CDH7: variants seen among roughly 807,000 people sequenced by gnomAD.
The protein encoded by CDH7 is cadherin-7.
Under a neutral mutation model 71.8 loss-of-function variants are expected in CDH7, and 25 were observed. That is an observed-to-expected ratio of 0.35 (90% confidence interval 0.25 to 0.49). CDH7 has a LOEUF of 0.49. Among genes scored for constraint, CDH7 ranks in the 20% least tolerant of loss-of-function variants. The pLI, the probability that CDH7 is intolerant of heterozygous loss-of-function variation, is 0.99. For synonymous variants in CDH7, 381 were observed against 363.8 expected (o/e 1.05, Z -0.54); for missense variants, 862 against 974.6 (o/e 0.88, Z 1.54).
intron 2 of CDH7, among the ~76,000 whole-genome samples, chr18:65,808,851 G>A (rs570203400): frequency 1.3e-5 from 2 of 152,204 alleles, no homozygotes; most frequent in South Asian, 2.1e-4. Flanking sequence ...TTGAAATGAC[G>A]GATTGAGTAG....
At chr18:65,768,336 G>A (rs1916440717) in intron 2 of CDH7, among the ~76,000 whole-genome samples, 1 of 151,884 alleles carries the variant, frequency 6.6e-6, no homozygotes, top group Non-Finnish European at 1.5e-5. Flanking sequence ...CCCGGTTCAA[G>A]CAATTCTCCT....
In CDH7 at chr18:65,761,517, T is replaced by C. The variant is rs550671210; in HGVS notation, c.-196-1130T>C. Reference sequence around the variant, plus strand: ...TTTTGGCTTTATGTTCTCAACACTATATTTTTCTCCTCTTCCTCAAAAAAA... The same window carrying C: ...TTTTGGCTTTATGTTCTCAACACTACATTTTTCTCCTCTTCCTCAAAAAAA... On this transcript the variant is annotated intron_variant, in intron 1 of 11. Transcript: ENST00000397968. Among the ~76,000 whole-genome samples the C allele has an allele frequency of 3.1e-4, 45 of 146,062 alleles. 1 individual carries two copies. The South Asian group carries it at 9.5e-3, about 31-fold the overall frequency.
intron 1 of CDH7, among the ~76,000 whole-genome samples, chr18:65,755,519 T>A (rs1334924703): frequency 6.6e-6 from 1 of 152,204 alleles, no homozygotes; most frequent in Non-Finnish European, 1.5e-5. Flanking sequence ...GACATTGTCC[T>A]GAATAGTGTG....
intron 2 of CDH7, among the ~76,000 whole-genome samples, chr18:65,782,155 TTTC>T (rs1568182675): frequency 7.6e-5 from 9 of 119,078 alleles, no homozygotes; most frequent in African/African-American, 3.0e-4. Flanking sequence ...TCTTTCTTTC[TTTC>T]TTTCTTCCTT....
intron 9 of CDH7, among the ~76,000 whole-genome samples, chr18:65,859,254 AAAGGT>A (rs1255969264): frequency 6.6e-6 from 1 of 152,220 alleles, no homozygotes; most frequent in Non-Finnish European, 1.5e-5. Context: ...CTCAGGAAGG[AAAGGT>A]AAACATTGTA....
At chr18:65,768,279 A>G (rs1166743038) in intron 2 of CDH7, among the ~76,000 whole-genome samples, 1 of 151,104 alleles carries the variant, frequency 6.6e-6, no homozygotes, top group African/African-American at 2.4e-5. Flanking sequence ...TTTCTTACCC[A>G]GACTGGCACG....
intron 2 of CDH7, among the ~76,000 whole-genome samples, chr18:65,776,744 T>C (rs1460964711): frequency 1.3e-5 from 2 of 152,158 alleles, no homozygotes; most frequent in African/African-American, 4.8e-5. Flanking sequence ...CTATACTTCA[T>C]AAAGTTCTAA....
At chr18:65,783,331 A>G (rs1299704657) in intron 2 of CDH7, among the ~76,000 whole-genome samples, 4 of 152,232 alleles carry the variant, frequency 2.6e-5, no homozygotes, top group Non-Finnish European at 4.4e-5. Flanking sequence ...AAGCAAGAAT[A>G]GTAATAGTTG....
intron 2 of CDH7, among the ~76,000 whole-genome samples, chr18:65,793,389 C>A (rs551752648): frequency 6.7e-6 from 1 of 149,966 alleles, no homozygotes; most frequent in East Asian, 2.0e-4. Flanking sequence ...CCACTGTACT[C>A]CAGCCAGGGT....
At chr18:65,765,133 C>T (rs2143793653) in intron 2 of CDH7, among the ~76,000 whole-genome samples, 1 of 152,026 alleles carries the variant, frequency 6.6e-6, no homozygotes, top group Non-Finnish European at 1.5e-5. Flanking sequence ...TTCAATATCG[C>T]CTTTCATAGT....
Position 65,880,524 on chromosome 18 carries a change from C to A in CDH7, c.1988C>A (p.Thr663Lys), listed in dbSNP as rs1265415389. 1 of 1,613,402 alleles carries A rather than the reference C, an allele frequency of 6.2e-7. No individual in the cohort carries two copies. Among genetic ancestry groups the A allele is most frequent in the South Asian group, 1.1e-5 (1 of 91,016 alleles). ...GACGAGGGCGGGGGAGAGGAGGACA[C>A]GGAAGCGTTTGACATGGCTGCACTG... Reference protein sequence around the residue: ...YDDEGGGEEDTEAFDMAALRN... With the variant: ...YDDEGGGEEDKEAFDMAALRN... Residue 663 changes from threonine (T) to lysine (K), a missense_variant, in exon 12 of 12, where the codon ACG (threonine) becomes AAG (lysine). Coordinates refer to ENST00000397968, the MANE Select transcript of CDH7 (RefSeq NM_004361.5).
At chr18:65,787,887 A>C (rs557541806) in intron 2 of CDH7, among the ~76,000 whole-genome samples, 2 of 152,140 alleles carry the variant, frequency 1.3e-5, no homozygotes, top group Admixed American at 1.3e-4. Flanking sequence ...TTCCTGAAAA[A>C]GTTGGTGAAA....
Position 65,760,149 on chromosome 18 carries a change from G to T in CDH7, c.-196-2498G>T, listed in dbSNP as rs79491091. 3.0e-4 allele frequency among the ~76,000 whole-genome samples: 45 copies of T among 152,098 alleles called. No individual in the cohort carries two copies. In the East Asian group the frequency reaches 8.3e-3, roughly 28 times the overall value. Reference sequence around the variant, plus strand: ...CTAAAAAATATGATAATAATCCCAAGAACTTTTTAAAAATACATTTTTGAT... The same window carrying T: ...CTAAAAAATATGATAATAATCCCAATAACTTTTTAAAAATACATTTTTGAT... On this transcript the variant is annotated intron_variant, in intron 1 of 11. Coordinates refer to ENST00000397968, the MANE Select transcript of CDH7 (RefSeq NM_004361.5).
At chr18:65,804,075 C>T (rs962862209) in intron 2 of CDH7, among the ~76,000 whole-genome samples, 2 of 152,008 alleles carry the variant, frequency 1.3e-5, no homozygotes, top group African/African-American at 2.4e-5. Context: ...TTTCTAGTTT[C>T]GTTTATTAGT....
At chr18:65,838,829 T>C (rs1955235) in intron 6 of CDH7, among the ~76,000 whole-genome samples, 106,118 of 152,120 alleles carry the variant, frequency 0.7, 37,297 homozygotes, top group East Asian at 0.96. Flanking sequence ...AATCCAACAA[T>C]AGAATTTGCC....
chr18:65,791,635 A>G (rs932349133), intron 2 of CDH7, among the ~76,000 whole-genome samples: 9 of 152,302 alleles, frequency 5.9e-5, no homozygotes, highest in African/African-American at 1.4e-4. Flanking sequence ...AACTAGTCCA[A>G]TAATGTTACA....
intron 9 of CDH7, 60 bp downstream of exon 9, chr18:65,859,106 C>G: frequency 6.6e-7 from 1 of 1,511,942 alleles, no homozygotes; most frequent in African/African-American, 1.4e-5. Context: ...TATCCAGCAG[C>G]AGTTGCCTTT....
intron 6 of CDH7, among the ~76,000 whole-genome samples, chr18:65,827,945 A>G (rs1912192470): frequency 6.6e-6 from 1 of 151,926 alleles, no homozygotes; most frequent in African/African-American, 2.4e-5. Flanking sequence ...ATGGAAATAA[A>G]TGAAAACAAA....
At chr18:65,867,989 AT>A (rs1348963717) in intron 11 of CDH7, among the ~76,000 whole-genome samples, 1 of 152,160 alleles carries the variant, frequency 6.6e-6, no homozygotes, top group East Asian at 1.9e-4. Context: ...AACTGTGGCT[AT>A]TCATGATTTT....
Sources: gnomAD v4.1 joint callset for allele counts (sites outside exome capture counted in the v4.1 genomes callset) on GRCh38, gnomAD v4.1.1 for gene constraint, MANE v1.5 for transcripts, NCBI Gene and HGNC (gene_info 2026-07-23, HGNC 2026-07-21) for gene names.